The following NDUFA6 variants were observed in gnomAD, a reference collection of about 807,000 sequenced individuals.
NDUFA6 encodes the protein NADH dehydrogenase [ubiquinone] 1 alpha subcomplex subunit 6.
NDUFA6 carries 10 observed loss-of-function variants against 12.5 expected under a neutral mutation model. The observed-to-expected ratio is 0.80, with a 90% CI of 0.49 to 1.35. The LOEUF is 1.35. Among genes scored for constraint, NDUFA6 ranks in the 40% most tolerant of loss-of-function variants. NDUFA6 has a pLI of 0.00. For synonymous variants in NDUFA6, 66 were observed against 63.0 expected, an observed-to-expected ratio of 1.05 and a Z score of -0.23; for missense variants, 177 against 173.5, an observed-to-expected ratio of 1.02 and a Z score of -0.11.
rs768994515 is a variant in NDUFA6, at chr22:42,087,089, G to C, written c.226C>G (p.Pro76Ala). 2.5e-6 allele frequency: 4 copies of C among 1,613,870 alleles called. No individual in the cohort carries two copies. Among genetic ancestry groups the C allele is most frequent in the African/African-American group, 1.3e-5 (1 of 74,918 alleles). Residue 76 changes from proline (P) to alanine (A), a missense_variant, in exon 2 of 3, where the codon CCC becomes GCC. Physicochemically the swap from Pro to Ala is conservative, Grantham distance 27. Transcript: ENST00000498737. ...ATGACCAGAAGATCAACCACCCTGG[G>C]GTCTGTGACATGGGCATTCTTCATA... ...MFMKNAHVTD[P>A]RVVDLLVIKG...
rs200276345 is a variant in NDUFA6, at chr22:42,090,658, C to T, written c.87G>A (p.Lys29=). Residue 29 remains lysine, a synonymous_variant, in exon 1 of 3, where the codon AAG becomes AAA. Coordinates refer to ENST00000498737, the MANE Select transcript of NDUFA6 (RefSeq NM_002490.6). ...CGCGGTAGAGCTCGCGCACCCTCCG[C>T]TTGGCCTCGTTCATGTCCCGACTGA... The part of the protein sequence containing the change: ...PIFSRDMNEA[K]RRVRELYRAW... The T allele has an allele frequency of 3.7e-6, 6 of 1,614,152 alleles. No homozygotes were observed.
Position 42,086,310 on chromosome 22 carries a change from T to A in NDUFA6, c.260A>T (p.Lys87Met), listed in dbSNP as rs748155152. ...RVVDLLVIKG[K>M]IELEETIKVW... ...TTTAATTGTTTCTTCCAGTTCGATC[T>A]TTCCCTGAACAGTGAGGAGAGAGGT... Residue 87 changes from lysine to methionine, a missense_variant, in exon 3 of 3, where the codon AAG becomes ATG. Lys to Met is a moderately conservative substitution (Grantham distance 95). Coordinates refer to ENST00000498737, the MANE Select transcript of NDUFA6 (RefSeq NM_002490.6). 7 of 1,614,110 alleles carry A rather than the reference T, an allele frequency of 4.3e-6. No individual in the cohort carries two copies. In the Admixed American group the frequency reaches 1.0e-4, roughly 23 times the overall value.
At chr22:42,087,540 C>T (rs969533237) in intron 1 of NDUFA6, among the ~76,000 whole-genome samples, 3 of 152,146 alleles carry the variant, frequency 2.0e-5, no homozygotes, top group East Asian at 1.9e-4. Context: ...CGGTGGCTCA[C>T]GCCTGTAATC....
intron 1 of NDUFA6, among the ~76,000 whole-genome samples, chr22:42,088,106 CAAAAAA>C (rs1182424559): frequency 7.6e-5 from 3 of 39,650 alleles, no homozygotes; most frequent in Non-Finnish European, 1.1e-4. Flanking sequence ...GACTGTGTCT[CAAAAAA>C]AAAAAAAAAA....
In NDUFA6 at chr22:42,087,517, T is replaced by C. The variant is rs369870630; in HGVS notation, c.140-342A>G. ...GAGTGTATTTTTTAAAAAATTATTT[T>C]ATGGGCTGGGCGCGGTGGCTCACGC... On this transcript the variant is annotated intron_variant, in intron 1 of 2. Transcript: ENST00000498737. 2.4e-4 allele frequency among the ~76,000 whole-genome samples: 36 copies of C among 152,322 alleles called. 1 individual carries two copies. The highest frequency in any genetic ancestry group is 2.1e-3 in the East Asian group (11 of 5,186).
chr22:42,085,888 A>G lies in NDUFA6; in HGVS notation c.*295T>C. The G allele has an allele frequency of 2.0e-6, 1 of 503,872 alleles. No individual in the cohort carries two copies. Among genetic ancestry groups the G allele is most frequent in the Non-Finnish European group, 3.6e-6 (1 of 278,362 alleles). The allele number at this position is 503,872 out of a possible 1,614,324, so 31.2% of individuals were successfully genotyped here. ...GGCTATAGAAACAACTACATTAACA[A>G]GTCGTCCAGCCTCATGCCCAATGTC... On this transcript the variant is annotated 3_prime_UTR_variant, in exon 3 of 3. Transcript: ENST00000498737.
At chr22:42,088,678 G>A (rs868265201) in intron 1 of NDUFA6, among the ~76,000 whole-genome samples, 7 of 137,542 alleles carry the variant, frequency 5.1e-5, no homozygotes, top group African/African-American at 1.7e-4. Flanking sequence ...CCAAGATCGC[G>A]CCATTGCCCT....
intron 1 of NDUFA6, 116 bp downstream of exon 1, chr22:42,090,490 G>A: frequency 7.9e-7 from 1 of 1,270,960 alleles, no homozygotes; most frequent in South Asian, 1.2e-5. Context: ...TGAAGCACCC[G>A]CAGTCGCCTC....
chr22:42,087,158 C>A lies in NDUFA6; in HGVS notation c.157G>T (p.Asp53Tyr). The stretch of plus-strand genomic sequence containing the variant: ...TCCCGTCCCATTTTCACAGTGATGT[C>A]CAGCTGGAATTGGTGCACTAGAGAG... The part of the protein sequence containing the change: ...VPNTVHQFQL[D>Y]ITVKMGRDKV... The change falls in exon 2 of 3, where the codon GAC becomes TAC. Residue 53 changes from aspartate (D) to tyrosine (Y), a missense_variant. By Grantham distance (160) the Asp-to-Tyr change is radical. Transcript: ENST00000498737. 1.2e-6 allele frequency: 2 copies of A among 1,613,664 alleles called. No homozygotes were observed. The highest frequency in any genetic ancestry group is 1.7e-4 in the Middle Eastern group (1 of 6,058).
At position 42,086,329 on chromosome 22, in the gene NDUFA6, G is replaced by C. The variant is rs749142089; in HGVS notation, c.256-15C>G. ...TCGATCTTTCCCTGAACAGTGAGGA[G>C]AGAGGTCATCAGTCAAAGTTGTCAA... On this transcript the variant is annotated splice_polypyrimidine_tract_variant and intron_variant, in intron 2 of 2. Transcript: ENST00000498737. 2 of 1,614,066 alleles carry C rather than the reference G, an allele frequency of 1.2e-6. No individual in the cohort carries two copies. Among genetic ancestry groups the C allele is most frequent in the Admixed American group, 1.7e-5 (1 of 60,000 alleles).
intron 1 of NDUFA6, chr22:42,089,997 G>A (rs1353182511): frequency 2.4e-5 from 4 of 168,260 alleles, no homozygotes; most frequent in Admixed American, 1.7e-4. Context: ...TGGCTAACAC[G>A]GTGAAATCCC....
Sources: gnomAD v4.1 joint callset for allele counts (sites outside exome capture counted in the v4.1 genomes callset) on GRCh38, gnomAD v4.1.1 for gene constraint, MANE v1.5 for transcripts, NCBI Gene and HGNC (gene_info 2026-07-23, HGNC 2026-07-21) for gene names.